The following PRDM10 variants were observed in gnomAD, a reference collection of about 807,000 sequenced individuals.
The protein encoded by PRDM10 is PR domain zinc finger protein 10.
In PRDM10, 65 loss-of-function variants were observed where a neutral mutation model predicts 133.1. The observed-to-expected ratio is 0.49, with a 90% CI of 0.40 to 0.60. The LOEUF (loss-of-function observed/expected upper bound fraction) is 0.60, where lower values mean the gene tolerates loss of function less well. Among genes scored for constraint, PRDM10 ranks in the 20% least tolerant of loss-of-function variants. PRDM10 has a pLI of 0.00. For synonymous variants in PRDM10, 582 were observed against 580.4 expected (o/e 1.00, Z -0.04); for missense variants, 1,137 against 1,507.1 (o/e 0.75, Z 4.07).
intron 6 of PRDM10, among the ~76,000 whole-genome samples, 188 bp from the exon 7 acceptor site, chr11:129,942,817 C>G (rs1023953323): frequency 1.2e-4 from 19 of 152,140 alleles, no homozygotes; most frequent in Non-Finnish European, 2.8e-4. Context: ...CTTTCTGAAG[C>G]CTCAACTGTA....
Position 129,988,704 on chromosome 11 carries a change from A to C in PRDM10, c.-119+14018T>G, listed in dbSNP as rs182093198. Reference sequence around the variant, plus strand: ...GAGTGCAGTGGTGCAATCTCGGCTCACTGCAAGCTCTGCCTCCCAGGTTCA... The same window carrying C: ...GAGTGCAGTGGTGCAATCTCGGCTCCCTGCAAGCTCTGCCTCCCAGGTTCA... On this transcript the variant is annotated intron_variant, in intron 1 of 20. Coordinates refer to ENST00000360871, the MANE Select transcript of PRDM10 (RefSeq NM_199437.2). 1.2e-4 allele frequency among the ~76,000 whole-genome samples: 18 copies of C among 151,726 alleles called. No homozygotes were observed. In the East Asian group the frequency reaches 2.1e-3, roughly 18 times the overall value.
chr11:129,910,234 T>A (rs112363503), intron 19 of PRDM10, among the ~76,000 whole-genome samples: 42 of 152,332 alleles, frequency 2.8e-4, no homozygotes, highest in African/African-American at 1.0e-3. Context: ...CTATTTAATT[T>A]CATAGCTACA....
chr11:129,913,235 A>C (rs1251107757), intron 17 of PRDM10, among the ~76,000 whole-genome samples: 2 of 151,772 alleles, frequency 1.3e-5, no homozygotes, highest in Non-Finnish European at 2.9e-5. Flanking sequence ...AAAAAAAAAA[A>C]AAAAACCAAA....
rs60735364 is a variant in PRDM10, at chr11:129,980,861, GTTTTTTTTTTTTTTT to G, written c.-118-19794_-118-19780del. 2.8e-4 allele frequency among the ~76,000 whole-genome samples: 29 copies of G among 102,154 alleles called. No individual in the cohort carries two copies. In the East Asian group the frequency reaches 8.2e-3, roughly 29 times the overall value. 67.0% of individuals were successfully genotyped at this position (102,154 alleles called of 152,430 possible). A position where few individuals can be genotyped will look rare whatever the true frequency, so the allele number is the denominator to read the frequency against. On this transcript the variant is annotated intron_variant, in intron 1 of 20. Transcript: ENST00000360871. ...ATAGCTAAAGGGTATGACATTTCTG[GTTTTTTTTTTTTTTT>G]TTTTTTTTTTTTGAGACAGAGTTTC...
chr11:129,970,555 T>C lies in PRDM10; in HGVS notation c.-118-9473A>G, dbSNP rs116231927. Reference sequence around the variant, plus strand: ...ACAATCATACCCAACCTTTTTTTTTTTTTTTCTCGAGATGGAGTTTCGCTT... The same window carrying C: ...ACAATCATACCCAACCTTTTTTTTTCTTTTTCTCGAGATGGAGTTTCGCTT... On this transcript the variant is annotated intron_variant, in intron 1 of 20. Coordinates refer to ENST00000360871, the MANE Select transcript of PRDM10 (RefSeq NM_199437.2). Among the ~76,000 whole-genome samples the C allele has an allele frequency of 8.4e-3, 1,274 of 151,988 alleles. 20 individuals are homozygous for C. The highest frequency in any genetic ancestry group is 0.029 in the African/African-American group (1,200 of 41,414).
chr11:129,970,551 T>C lies in PRDM10; in HGVS notation c.-118-9469A>G, dbSNP rs1224569697. 3.9e-5 allele frequency among the ~76,000 whole-genome samples: 6 copies of C among 152,070 alleles called. No individual in the cohort carries two copies. The East Asian group carries it at 1.2e-3, about 29-fold the overall frequency. ...TGTAACAATCATACCCAACCTTTTT[T>C]TTTTTTTTTCTCGAGATGGAGTTTC... On this transcript the variant is annotated intron_variant, in intron 1 of 20. Transcript: ENST00000360871.
chr11:129,931,400 CTA>C (rs1325077041), intron 10 of PRDM10, 142 bp from the exon 11 acceptor site: 147 of 1,157,210 alleles, frequency 1.3e-4, no homozygotes, highest in South Asian at 5.0e-5. Flanking sequence ...AATTAGGTAA[CTA>C]TGCACAGAAG....
At chr11:129,981,440 G>A (rs1591690124) in intron 1 of PRDM10, among the ~76,000 whole-genome samples, 2 of 152,084 alleles carry the variant, frequency 1.3e-5, no homozygotes, top group Admixed American at 6.5e-5. Flanking sequence ...ATATACAAAT[G>A]TACTCATGGA....
intron 10 of PRDM10, 23 bp downstream of exon 10, chr11:129,932,079 G>A: frequency 6.2e-7 from 1 of 1,608,420 alleles, no homozygotes; most frequent in Non-Finnish European, 8.5e-7. Flanking sequence ...ACCTAAGGAG[G>A]GCTCCTTCCC....
chr11:129,914,577 A>G (rs1274113001), intron 17 of PRDM10, 127 bp downstream of exon 17: 7 of 1,310,756 alleles, frequency 5.3e-6, no homozygotes, highest in Non-Finnish European at 7.6e-6. Context: ...GGGCAGTTGT[A>G]AAATGCCCAA....
In PRDM10 at chr11:129,957,733, A is replaced by G; in HGVS notation, c.234+13T>C. On this transcript the variant is annotated intron_variant, in intron 3 of 20. Transcript: ENST00000360871. Reference sequence around the variant, plus strand: ...TTAATTGACAAATTATCAACAGATAACCCTTCACATGCCTGTGCAGCTTCC... The same window carrying G: ...TTAATTGACAAATTATCAACAGATAGCCCTTCACATGCCTGTGCAGCTTCC... The G allele has an allele frequency of 6.3e-7, 1 of 1,598,904 alleles. No individual in the cohort carries two copies.
rs1385377897 is a variant in PRDM10 at position 129,918,345 on chromosome 11, A to G, written c.2214+194T>C. Among the ~76,000 whole-genome samples, 1 of 152,162 alleles carries G rather than the reference A, an allele frequency of 6.6e-6. No individual in the cohort carries two copies. The highest frequency in any genetic ancestry group is 1.5e-5 in the Non-Finnish European group (1 of 68,030). ...TACAAGAATTGATCCAAAAAGCAGC[A>G]AGAGAGAGCAAAGGGAGACTAGAAA... is the stretch of plus-strand genomic sequence containing the variant. On this transcript the variant is annotated intron_variant, in intron 14 of 20. Coordinates refer to ENST00000360871, the MANE Select transcript of PRDM10 (RefSeq NM_199437.2). The surrounding 1 kb of genome is among the most constrained non-coding windows in gnomAD (Gnocchi z 5.3).
rs563055380 is a variant in PRDM10 at position 129,902,164 on chromosome 11, A to C, written c.*149T>G. ...TGATAAAGATGACCTTGGCAAAATA[A>C]ACCCCAGTGTATGGATGAGAGACAA... is the stretch of plus-strand genomic sequence containing the variant. On this transcript the variant is annotated 3_prime_UTR_variant, in exon 21 of 21. Transcript: ENST00000360871. The C allele has an allele frequency of 2.7e-6, 3 of 1,114,866 alleles. No individual in the cohort carries two copies. The highest frequency in any genetic ancestry group is 3.2e-5 in the African/African-American group (2 of 62,972). 69.1% of individuals were successfully genotyped at this position (1,114,866 alleles called of 1,614,324 possible).
intron 2 of PRDM10, among the ~76,000 whole-genome samples, chr11:129,958,815 G>A (rs1951744861): frequency 1.3e-5 from 2 of 152,272 alleles, no homozygotes; most frequent in East Asian, 3.9e-4. Flanking sequence ...TACTTTTAGG[G>A]GGTTCTGGAC....
At chr11:130,002,469 A>C (rs1939476858) in intron 1 of PRDM10, among the ~76,000 whole-genome samples, 1 of 150,532 alleles carries the variant, frequency 6.6e-6, no homozygotes, top group Non-Finnish European at 1.5e-5. Context: ...CCCCACCCCG[A>C]GTGAGGTGCC....
rs1402564553 is a variant in PRDM10, at chr11:129,944,941, G to T, written c.592C>A (p.Arg198=). Residue 198 remains arginine, a synonymous_variant, in exon 6 of 21, where the codon CGG becomes AGG. Transcript: ENST00000360871. ...KHGPLHPIPN[R]PVLTRARASL... ...GCCCTGGCCCGGGTGAGCACCGGCC[G>T]GTTGGGGATCGGGTGCAAGGGGCCG... 6.2e-7 allele frequency: 1 copy of T among 1,613,808 alleles called. No homozygotes were observed. The highest frequency in any genetic ancestry group is 8.5e-7 in the Non-Finnish European group (1 of 1,179,958).
chr11:129,924,842 A>C, intron 12 of PRDM10, 40 bp downstream of exon 12: 1 of 1,509,616 alleles, frequency 6.6e-7, no homozygotes, highest in Non-Finnish European at 8.9e-7. Context: ...CTTTTACCAA[A>C]AGAAGGAAGC....
chr11:129,999,585 GCAA>G (rs1939233773), intron 1 of PRDM10, among the ~76,000 whole-genome samples: 1 of 152,116 alleles, frequency 6.6e-6, no homozygotes, highest in African/African-American at 2.4e-5. Context: ...CTCAAACACT[GCAA>G]CAACAGGATG....
chr11:129,934,114 T>C (rs948690095), intron 9 of PRDM10, among the ~76,000 whole-genome samples: 2 of 152,216 alleles, frequency 1.3e-5, no homozygotes, highest in African/African-American at 4.8e-5. Flanking sequence ...GGCTGCTCTG[T>C]TTTCTCAATG....
Sources: allele counts gnomAD v4.1 joint callset (sites outside exome capture counted in the v4.1 genomes callset), GRCh38; gene constraint gnomAD v4.1.1; non-coding constraint Gnocchi (gnomAD v3.1); transcripts MANE v1.5; gene names NCBI Gene and HGNC (gene_info 2026-07-23, HGNC 2026-07-21).